The following ZNF681 variants were observed in gnomAD, a reference collection of about 807,000 sequenced individuals.
ZNF681 encodes the protein hypothetical protein FLJ31526.
Under a neutral mutation model 56.0 loss-of-function variants are expected in ZNF681, and 37 were observed. The observed-to-expected ratio is 0.66, with a 90% CI of 0.51 to 0.87. The LOEUF is 0.87. ZNF681 is among the 40% of genes least tolerant of loss of function. The probability of loss-of-function intolerance (pLI) is 0.00; values close to 1 mark genes in which losing one functional copy is unlikely to be tolerated. For missense variants in ZNF681, 741 were observed against 744.9 expected, an observed-to-expected ratio of 0.99 and a Z score of 0.06; for synonymous variants, 225 against 248.6, an observed-to-expected ratio of 0.91 and a Z score of 0.89.
At chr19:23,750,007 G>A (rs1349517003) in intron 3 of ZNF681, among the ~76,000 whole-genome samples, 9 of 150,598 alleles carry the variant, frequency 6.0e-5, no homozygotes, top group Admixed American at 1.3e-4. Flanking sequence ...AAAAAGGGCC[G>A]GGCACCGTGG....
In ZNF681 at chr19:23,740,219, A is replaced by G. The variant is rs561350288; in HGVS notation, c.*3393T>C. The stretch of plus-strand genomic sequence containing the variant: ...TATGCAAAATCTCCAGTTAAAACCA[A>G]TCTTGCAGTGCATTAAAAATACCGA... On this transcript the variant is annotated 3_prime_UTR_variant, in exon 4 of 4. Coordinates refer to ENST00000402377, the MANE Select transcript of ZNF681 (RefSeq NM_138286.3). 1.7e-4 allele frequency: 26 copies of G among 152,268 alleles called. No individual in the cohort carries two copies. The highest frequency in any genetic ancestry group is 2.8e-4 in the Non-Finnish European group (19 of 68,002). 9.4% of individuals were successfully genotyped at this position (152,268 alleles called of 1,614,324 possible).
At chr19:23,753,361 T>G (rs1969062474) in intron 3 of ZNF681, among the ~76,000 whole-genome samples, 3 of 152,298 alleles carry the variant, frequency 2.0e-5, no homozygotes. Flanking sequence ...ATCGCACCAG[T>G]GCACTCCAGC....
In ZNF681 at chr19:23,743,514, C is replaced by T. The variant is rs982945809; in HGVS notation, c.*98G>A. On this transcript the variant is annotated 3_prime_UTR_variant, in exon 4 of 4. Transcript: ENST00000402377. ...TGTGAGCATTGGTTAAAAGTTTTGC[C>T]ACATTCTTCACACTTGTAGGTTTTT... is the stretch of plus-strand genomic sequence containing the variant. The T allele has an allele frequency of 4.6e-5, 55 of 1,184,182 alleles. No homozygotes were observed. The highest frequency in any genetic ancestry group is 6.1e-5 in the Non-Finnish European group (54 of 887,522). The allele number at this position is 1,184,182 out of a possible 1,614,324, so 73.4% of individuals were successfully genotyped here. A position where few individuals can be genotyped will look rare whatever the true frequency, so the allele number is the denominator to read the frequency against.
At chr19:23,749,836 T>C (rs908065261) in intron 3 of ZNF681, among the ~76,000 whole-genome samples, 1 of 152,028 alleles carries the variant, frequency 6.6e-6, no homozygotes, top group Non-Finnish European at 1.5e-5. Flanking sequence ...AAATTCAGAA[T>C]CATAAATCTT....
At position 23,757,435 on chromosome 19, in the gene ZNF681, A is replaced by G. The variant is rs1484379925; in HGVS notation, c.3+1312T>C. Reference sequence around the variant, plus strand: ...TAAAAGCTAAATATAGACAGAGAGGAATGCGGAAAGAATTTAATGTATTTT... The same window carrying G: ...TAAAAGCTAAATATAGACAGAGAGGGATGCGGAAAGAATTTAATGTATTTT... On this transcript the variant is annotated intron_variant, in intron 1 of 3. Transcript: ENST00000402377. Among the ~76,000 whole-genome samples the G allele has an allele frequency of 3.3e-5, 5 of 151,980 alleles. No homozygotes were observed. The East Asian group carries it at 9.6e-4, about 29-fold the overall frequency.
In ZNF681 at chr19:23,742,340, A is replaced by T. The variant is rs1249753505; in HGVS notation, c.*1272T>A. 1 of 152,072 alleles carries T rather than the reference A, an allele frequency of 6.6e-6. No individual in the cohort carries two copies. Among genetic ancestry groups the T allele is most frequent in the Non-Finnish European group, 1.5e-5 (1 of 68,066 alleles). 9.4% of individuals were successfully genotyped at this position (152,072 alleles called of 1,614,324 possible). ...AACCCCATCTCTATTAAAAATACAAAATTAGCCGGGCATGGTGGCACATGC... is the reference window on the plus strand; with the variant it reads ...AACCCCATCTCTATTAAAAATACAATATTAGCCGGGCATGGTGGCACATGC... On this transcript the variant is annotated 3_prime_UTR_variant, in exon 4 of 4. Coordinates refer to ENST00000402377, the MANE Select transcript of ZNF681 (RefSeq NM_138286.3).
intron 3 of ZNF681, among the ~76,000 whole-genome samples, chr19:23,749,298 G>C (rs962891677): frequency 1.3e-5 from 2 of 151,422 alleles, no homozygotes; most frequent in African/African-American, 4.9e-5. Context: ...CATAAAAACA[G>C]AAAGTAGAAG....
intron 1 of ZNF681, among the ~76,000 whole-genome samples, chr19:23,756,230 C>G (rs1387654421): frequency 6.6e-6 from 1 of 151,876 alleles, no homozygotes; most frequent in East Asian, 1.9e-4. Context: ...GAGGCTGAGG[C>G]AGGAGAATGG....
chr19:23,740,826 A>T lies in ZNF681; in HGVS notation c.*2786T>A, dbSNP rs1474840623. The stretch of plus-strand genomic sequence containing the variant: ...ACACTAATTTTGAAATTAAATCTAA[A>T]TTTTTTGCACTAATTTTATAAAAAT... On this transcript the variant is annotated 3_prime_UTR_variant, in exon 4 of 4. Coordinates refer to ENST00000402377, the MANE Select transcript of ZNF681 (RefSeq NM_138286.3). 2.0e-5 allele frequency: 3 copies of T among 152,076 alleles called. No homozygotes were observed. The allele number at this position is 152,076 out of a possible 1,614,324, so 9.4% of individuals were successfully genotyped here.
chr19:23,757,582 A>G (rs1969141810), intron 1 of ZNF681, among the ~76,000 whole-genome samples: 1 of 152,144 alleles, frequency 6.6e-6, no homozygotes. Flanking sequence ...AAAAATTATA[A>G]CCATAAAATA....
Position 23,755,512 on chromosome 19 carries a change from G to T in ZNF681, c.43C>A (p.Leu15Met). Reference sequence around the variant, plus strand: ...GTGTCCAGGCATTGCCACTCCTCCAGAGAGAATTCTATGGCCACATCCCTA... The same window carrying T: ...GTGTCCAGGCATTGCCACTCCTCCATAGAGAATTCTATGGCCACATCCCTA... ...KFRDVAIEFS[L>M]EEWQCLDTIQ... Residue 15 changes from leucine to methionine, a missense_variant, in exon 2 of 4, where the codon CTG becomes ATG. Leu to Met is a conservative substitution (Grantham distance 15, BLOSUM62 2). Transcript: ENST00000402377. 6.2e-7 allele frequency: 1 copy of T among 1,608,680 alleles called. No homozygotes were observed.
Position 23,739,992 on chromosome 19 carries a change from T to C in ZNF681, c.*3620A>G, listed in dbSNP as rs1030850251. The C allele has an allele frequency of 6.6e-6, 1 of 152,188 alleles. No individual in the cohort carries two copies. Among genetic ancestry groups the C allele is most frequent in the Non-Finnish European group, 1.5e-5 (1 of 68,022 alleles). 9.4% of individuals were successfully genotyped at this position (152,188 alleles called of 1,614,324 possible). Reference sequence around the variant, plus strand: ...ATGGAAACGTACATTGTGGCATAAGTATACTGTAGAAAATTAAATTAAAAG... The same window carrying C: ...ATGGAAACGTACATTGTGGCATAAGCATACTGTAGAAAATTAAATTAAAAG... On this transcript the variant is annotated 3_prime_UTR_variant, in exon 4 of 4. Coordinates refer to ENST00000402377, the MANE Select transcript of ZNF681 (RefSeq NM_138286.3).
rs1287825490 is a variant in ZNF681 at position 23,740,481 on chromosome 19, A to T, written c.*3131T>A. 6.6e-6 allele frequency: 1 copy of T among 152,220 alleles called. No individual in the cohort carries two copies. Among genetic ancestry groups the T allele is most frequent in the Non-Finnish European group, 1.5e-5 (1 of 68,034 alleles). The allele number at this position is 152,220 out of a possible 1,614,324, so 9.4% of individuals were successfully genotyped here. A position where few individuals can be genotyped will look rare whatever the true frequency, so the allele number is the denominator to read the frequency against. On this transcript the variant is annotated 3_prime_UTR_variant, in exon 4 of 4. Transcript: ENST00000402377. The stretch of plus-strand genomic sequence containing the variant: ...AATGTCCTCTCCACATAAAAAATCA[A>T]TGTTATTTCTCACAATTGATATGTT...
chr19:23,756,906 T>G (rs1203379747), intron 1 of ZNF681, among the ~76,000 whole-genome samples: 2 of 152,152 alleles, frequency 1.3e-5, no homozygotes, highest in African/African-American at 4.8e-5. Flanking sequence ...AGTCTCGCTC[T>G]GTCACCCAAG....
At position 23,744,185 on chromosome 19, in the gene ZNF681, A is replaced by G. The variant is rs369101200; in HGVS notation, c.1365T>C (p.Cys455=). The change falls in exon 4 of 4, where the codon TGT becomes TGC. Residue 455 remains cysteine, a synonymous_variant. Transcript: ENST00000402377. The part of the protein sequence containing the change: ...TEEKPYKCEE[C]GKAFNQFSNL... The stretch of plus-strand genomic sequence containing the variant: ...TTGAGAACTGGTTAAAGGCTTTCCC[A>G]CATTCTTCACATTTGTATGGTTTCT... 1.8e-5 allele frequency: 29 copies of G among 1,613,426 alleles called. No individual in the cohort carries two copies. In the African/African-American group the frequency reaches 3.6e-4, roughly 20 times the overall value.
intron 3 of ZNF681, among the ~76,000 whole-genome samples, chr19:23,754,412 G>A (rs1969083161): frequency 6.6e-6 from 1 of 152,056 alleles, no homozygotes; most frequent in Admixed American, 6.6e-5. Context: ...GCCTGTAATC[G>A]CAGCACTTTC....
rs764121743 is a variant in ZNF681, at chr19:23,743,994, G to C, written c.1556C>G (p.Ser519Ter). 1 of 1,613,068 alleles carries C rather than the reference G, an allele frequency of 6.2e-7. No individual in the cohort carries two copies. The highest frequency in any genetic ancestry group is 2.2e-5 in the East Asian group (1 of 44,824). Reference sequence around the variant, plus strand: ...AATTTTCTTATGTTCAGTAAGTTTTGAGGATCGATAGAAAGCTTTGCCACA... The same window carrying C: ...AATTTTCTTATGTTCAGTAAGTTTTCAGGATCGATAGAAAGCTTTGCCACA... ...EECGKAFYRS[S>*]KLTEHKKIHT... Residue 519 changes from serine (S) to a stop codon, truncating the protein, a stop_gained, in exon 4 of 4, where the codon TCA becomes TGA. Transcript: ENST00000402377. LOFTEE classifies it high-confidence loss of function.
At position 23,740,744 on chromosome 19, in the gene ZNF681, G is replaced by T. The variant is rs1397073217; in HGVS notation, c.*2868C>A. 1 of 152,010 alleles carries T rather than the reference G, an allele frequency of 6.6e-6. No homozygotes were observed. The highest frequency in any genetic ancestry group is 2.4e-5 in the African/African-American group (1 of 41,384). The allele number at this position is 152,010 out of a possible 1,614,324, so 9.4% of individuals were successfully genotyped here. Reference sequence around the variant, plus strand: ...AAACTAAAAAAAGTAGGCTTATACAGCGTTCTCCAATTAAAAGAACAAAAT... The same window carrying T: ...AAACTAAAAAAAGTAGGCTTATACATCGTTCTCCAATTAAAAGAACAAAAT... On this transcript the variant is annotated 3_prime_UTR_variant, in exon 4 of 4. Transcript: ENST00000402377.
At chr19:23,750,404 T>C (rs904217219) in intron 3 of ZNF681, among the ~76,000 whole-genome samples, 3 of 152,154 alleles carry the variant, frequency 2.0e-5, no homozygotes, top group Non-Finnish European at 2.9e-5. Flanking sequence ...CTCATTGTGA[T>C]AGACATATGG....
Sources: gnomAD v4.1 joint callset for allele counts (sites outside exome capture counted in the v4.1 genomes callset) on GRCh38, gnomAD v4.1.1 for gene constraint, MANE v1.5 for transcripts, NCBI Gene and HGNC (gene_info 2026-07-23, HGNC 2026-07-21) for gene names.